Variants in CNTLN observed in about 807,000 individuals in gnomAD.
CNTLN encodes centlein, centrosomal protein.
Under a neutral mutation model 180.0 loss-of-function variants are expected in CNTLN, and 212 were observed. The ratio of observed to expected loss-of-function variants is 1.18; its 90% CI spans 1.05 to 1.32. The LOEUF (loss-of-function observed/expected upper bound fraction) is 1.32, where lower values mean the gene tolerates loss of function less well. Among genes scored for constraint, CNTLN ranks in the 40% most tolerant of loss-of-function variants. The pLI, the probability that CNTLN is intolerant of heterozygous loss-of-function variation, is 0.00. For synonymous variants in CNTLN, 722 were observed against 563.1 expected, an observed-to-expected ratio of 1.28 and a Z score of -3.99; for missense variants, 2,095 against 1,610.9, an observed-to-expected ratio of 1.30 and a Z score of -5.14.
chr9:17,142,645 C>A (rs1268991444), intron 1 of CNTLN, among the ~76,000 whole-genome samples: 1 of 152,068 alleles, frequency 6.6e-6, no homozygotes, highest in Non-Finnish European at 1.5e-5. Flanking sequence ...GGCAGTGGTT[C>A]TCAACCCAGA....
chr9:17,346,997 C>T (rs1463743935), intron 12 of CNTLN, among the ~76,000 whole-genome samples: 6 of 152,278 alleles, frequency 3.9e-5, no homozygotes, highest in South Asian at 2.1e-4. Context: ...TCTCTTCTCT[C>T]ATGAGCTCAT....
chr9:17,314,045 T>G (rs1462511669), intron 8 of CNTLN, among the ~76,000 whole-genome samples: 3 of 152,222 alleles, frequency 2.0e-5, no homozygotes, highest in Non-Finnish European at 1.5e-5. Flanking sequence ...GCTCTGTTAA[T>G]TATTTAAAAA....
chr9:17,214,389 C>A (rs560403900), intron 2 of CNTLN, among the ~76,000 whole-genome samples: 2 of 152,240 alleles, frequency 1.3e-5, no homozygotes, highest in Non-Finnish European at 2.9e-5. Flanking sequence ...GGCACCCACT[C>A]TCTTCTGGCT....
intron 5 of CNTLN, among the ~76,000 whole-genome samples, chr9:17,259,938 A>C (rs890593321): frequency 2.9e-5 from 4 of 136,438 alleles, no homozygotes; most frequent in African/African-American, 1.2e-4. Context: ...TCCTGGATTC[A>C]TTAATTTTTT....
chr9:17,412,228 T>C, intron 16 of CNTLN, among the ~76,000 whole-genome samples: 1 of 152,208 alleles, frequency 6.6e-6, no homozygotes, highest in Admixed American at 6.5e-5. Context: ...GATGGTGTGC[T>C]CCTTGCCCCA....
intron 7 of CNTLN, among the ~76,000 whole-genome samples, chr9:17,306,636 A>G (rs1274971670): frequency 1.3e-5 from 2 of 152,208 alleles, no homozygotes; most frequent in African/African-American, 4.8e-5. Flanking sequence ...CTCGATCCTG[A>G]CCATACCCTA....
rs35350865 is a variant in CNTLN, at chr9:17,440,588, C to CAAAAAAAAAAAAAA, written c.3115-16935_3115-16922dup. Among the ~76,000 whole-genome samples the CAAAAAAAAAAAAAA allele has an allele frequency of 4.3e-3, 489 of 114,442 alleles. 14 individuals are homozygous for CAAAAAAAAAAAAAA. In the East Asian group the frequency reaches 0.091, roughly 21 times the overall value. 75.1% of individuals were successfully genotyped at this position (114,442 alleles called of 152,430 possible). On this transcript the variant is annotated intron_variant, in intron 18 of 25. Transcript: ENST00000380647. ...TGGGCGACGGAGCGAGACTCCGTCT[C>CAAAAAAAAAAAAAA]AAAAAAAAAAAAAAGAACTGAAAAC...
intron 23 of CNTLN, among the ~76,000 whole-genome samples, chr9:17,473,151 A>T (rs1832122217): frequency 6.6e-6 from 1 of 152,180 alleles, no homozygotes; most frequent in Admixed American, 6.5e-5. Flanking sequence ...ATCTTTATTT[A>T]AACAGATAAC....
In CNTLN at chr9:17,261,216, G is replaced by A. The variant is rs139657750; in HGVS notation, c.850-12517G>A. Reference sequence around the variant, plus strand: ...TTTTTGTAATTCTGTCAAAAGTGACGTTGGTAGTTTGGTAAGAATAGCATC... The same window carrying A: ...TTTTTGTAATTCTGTCAAAAGTGACATTGGTAGTTTGGTAAGAATAGCATC... On this transcript the variant is annotated intron_variant, in intron 5 of 25. Coordinates refer to ENST00000380647, the MANE Select transcript of CNTLN (RefSeq NM_017738.4). Among the ~76,000 whole-genome samples, 572 of 151,464 alleles carry A rather than the reference G, an allele frequency of 3.8e-3. 3 individuals carry two copies. The highest frequency in any genetic ancestry group is 6.9e-3 in the Non-Finnish European group (469 of 67,918).
intron 2 of CNTLN, among the ~76,000 whole-genome samples, chr9:17,185,547 T>TC (rs1300167380): frequency 1.3e-5 from 2 of 152,216 alleles, no homozygotes; most frequent in Non-Finnish European, 2.9e-5. Flanking sequence ...TACTTTTTTT[T>TC]CTTCTAGTTT....
intron 6 of CNTLN, among the ~76,000 whole-genome samples, chr9:17,276,305 G>C (rs771216322): frequency 3.9e-5 from 6 of 151,990 alleles, no homozygotes; most frequent in Admixed American, 6.6e-5. Flanking sequence ...GATATACTGT[G>C]TGTCTTGTTT....
chr9:17,394,929 G>T lies in CNTLN; in HGVS notation c.2475G>T (p.Met825Ile). Residue 825 changes from methionine to isoleucine, a missense_variant, in exon 15 of 26, where the codon ATG becomes ATT. Transcript: ENST00000380647. ...RSGRYDCKTT[M>I]TKVKFKAAKK... is the part of the protein sequence containing the mutation. ...GACGATATGATTGTAAGACAACTATGACCAAGGTTAAATTTAAAGCTGCGA... is the reference window on the plus strand; with the variant it reads ...GACGATATGATTGTAAGACAACTATTACCAAGGTTAAATTTAAAGCTGCGA... 1 of 1,614,036 alleles carries T rather than the reference G, an allele frequency of 6.2e-7. No homozygotes were observed. Among genetic ancestry groups the T allele is most frequent in the South Asian group, 1.1e-5 (1 of 91,036 alleles).
chr9:17,394,563 T>C lies in CNTLN; in HGVS notation c.2109T>C (p.Ser703=), dbSNP rs551838719. Residue 703 remains serine (S), a synonymous_variant, in exon 15 of 26, where the codon TCT becomes TCC. Coordinates refer to ENST00000380647, the MANE Select transcript of CNTLN (RefSeq NM_017738.4). ...CTGAGTTGGAAAATCGGCTGAAATCTTTTGAGAAAAGGTCGAGAAAATTAA... is the reference window on the plus strand; with the variant it reads ...CTGAGTTGGAAAATCGGCTGAAATCCTTTGAGAAAAGGTCGAGAAAATTAA... The part of the protein sequence containing the change: ...KVTELENRLK[S]FEKRSRKLKE... 66 of 1,584,608 alleles carry C rather than the reference T, an allele frequency of 4.2e-5. No individual in the cohort carries two copies. The South Asian group carries it at 7.3e-4, about 18-fold the overall frequency.
At chr9:17,188,420 A>G (rs1311896165) in intron 2 of CNTLN, among the ~76,000 whole-genome samples, 1 of 152,152 alleles carries the variant, frequency 6.6e-6, no homozygotes, top group Admixed American at 6.5e-5. Context: ...CAACATCTGT[A>G]GACCATAAAA....
At chr9:17,223,548 T>C (rs1007741618) in intron 2 of CNTLN, among the ~76,000 whole-genome samples, 4 of 152,036 alleles carry the variant, frequency 2.6e-5, no homozygotes, top group South Asian at 2.1e-4. Flanking sequence ...CTCACTTTTC[T>C]ATCAAGAAAT....
chr9:17,484,311 T>A lies in CNTLN; in HGVS notation c.3872T>A (p.Leu1291Ter), dbSNP rs766019710. Residue 1291 changes from leucine (L) to a stop codon, truncating the protein, a stop_gained, in exon 24 of 26, where the codon TTG (leucine) becomes TAG (stop). Coordinates refer to ENST00000380647, the MANE Select transcript of CNTLN (RefSeq NM_017738.4). LOFTEE classifies it high-confidence loss of function. ...ATGTTACAGGCTTTGGCCAAAGAGTTGCAAAATGATGTCCATGTGGTAAGG... is the reference window on the plus strand; with the variant it reads ...ATGTTACAGGCTTTGGCCAAAGAGTAGCAAAATGATGTCCATGTGGTAAGG... ...TTFVKALAKE[L>*]QNDVHVVRRQ... is the part of the protein sequence containing the mutation. 12 of 1,599,046 alleles carry A rather than the reference T, an allele frequency of 7.5e-6. No homozygotes were observed. The Admixed American group carries it at 2.2e-4, about 29-fold the overall frequency.
intron 1 of CNTLN, among the ~76,000 whole-genome samples, chr9:17,140,628 A>T (rs1298456730): frequency 2.6e-5 from 4 of 151,996 alleles, no homozygotes; most frequent in Non-Finnish European, 5.9e-5. Flanking sequence ...TTTTGTGGCG[A>T]TGGGGGTCTC....
intron 1 of CNTLN, among the ~76,000 whole-genome samples, chr9:17,142,024 G>C (rs905333471): frequency 1.3e-5 from 2 of 150,140 alleles, no homozygotes; most frequent in Non-Finnish European, 3.0e-5. Context: ...AGAGGTTGCA[G>C]TGAGCCGAGA....
At chr9:17,347,193 T>C (rs1821969431) in intron 12 of CNTLN, among the ~76,000 whole-genome samples, 1 of 152,214 alleles carries the variant, frequency 6.6e-6, no homozygotes, top group Non-Finnish European at 1.5e-5. Flanking sequence ...AATTCCGACA[T>C]GTGTTATATC....
Sources: allele counts gnomAD v4.1 joint callset (sites outside exome capture counted in the v4.1 genomes callset), GRCh38; gene constraint gnomAD v4.1.1; transcripts MANE v1.5; gene names NCBI Gene and HGNC (gene_info 2026-07-23, HGNC 2026-07-21).